SV2B: variants seen among roughly 807,000 people sequenced by gnomAD.
SV2B encodes synaptic vesicle glycoprotein 2B, also known as solute carrier family 22 member B2.
In SV2B, 41 loss-of-function variants were observed where a neutral mutation model predicts 73.9. The ratio of observed to expected loss-of-function variants is 0.56; its 90% CI spans 0.43 to 0.72. The LOEUF (loss-of-function observed/expected upper bound fraction) is 0.72. Among genes scored for constraint, SV2B ranks in the 30% least tolerant of loss-of-function variants. The pLI is 0.00. For synonymous variants in SV2B, 314 were observed against 314.2 expected (o/e 1.00, Z 0.01); for missense variants, 764 against 857.8 (o/e 0.89, Z 1.37).
At chr15:91,286,836 A>G (rs530407939) in intron 11 of SV2B, among the ~76,000 whole-genome samples, 1 of 152,250 alleles carries the variant, frequency 6.6e-6, no homozygotes, top group South Asian at 2.1e-4. Flanking sequence ...TACCAGAGGA[A>G]TAAGAATTAT....
At chr15:91,181,666 C>T (rs181549784) in intron 1 of SV2B, among the ~76,000 whole-genome samples, 2 of 151,930 alleles carry the variant, frequency 1.3e-5, no homozygotes, top group African/African-American at 4.8e-5. Flanking sequence ...TAATGACTCA[C>T]TCAATTAACC....
At chr15:91,156,344 A>G (rs1322021102) in intron 1 of SV2B, among the ~76,000 whole-genome samples, 2 of 152,184 alleles carry the variant, frequency 1.3e-5, no homozygotes, top group African/African-American at 4.8e-5. Flanking sequence ...GTGCAGGGCC[A>G]CTTGATGAAC....
At chr15:91,264,780 AGTGCACCCGGAGGAAGGAT>A (rs1215282075) in intron 6 of SV2B, among the ~76,000 whole-genome samples, 4 of 152,134 alleles carry the variant, frequency 2.6e-5, no homozygotes, top group Non-Finnish European at 5.9e-5. Flanking sequence ...TCGGGGTGGG[AGTGCACCCGGAGGAAGGAT>A]GTGCAGGCAG....
intron 2 of SV2B, among the ~76,000 whole-genome samples, chr15:91,248,232 G>A (rs2078877): frequency 0.2 from 30,318 of 151,930 alleles, 3,136 homozygotes; most frequent in African/African-American, 0.24. Context: ...GAGGCAGGAG[G>A]ATGGCGTGAA....
intron 1 of SV2B, among the ~76,000 whole-genome samples, chr15:91,196,265 G>A (rs192548644): frequency 6.6e-6 from 1 of 152,180 alleles, no homozygotes; most frequent in Admixed American, 6.5e-5. Flanking sequence ...AAACAACAAG[G>A]TTCTCTGTGT....
intron 4 of SV2B, among the ~76,000 whole-genome samples, chr15:91,256,216 C>T (rs531286934): frequency 6.6e-6 from 1 of 152,186 alleles, no homozygotes; most frequent in Non-Finnish European, 1.5e-5. Flanking sequence ...ACAGAACAAT[C>T]CCTTCCTCCA....
In SV2B at chr15:91,302,481, T is replaced by C. The variant is rs2049472112; in HGVS notation, c.*9929T>C. ...GGAAGCATTTCGGTATTTTAACAAGTATGAAAGTAGCTATGTGAATTTGCC... is the reference window on the plus strand; with the variant it reads ...GGAAGCATTTCGGTATTTTAACAAGCATGAAAGTAGCTATGTGAATTTGCC... On this transcript the variant is annotated 3_prime_UTR_variant, in exon 13 of 13. Coordinates refer to ENST00000394232, the MANE Select transcript of SV2B (RefSeq NM_001323032.3). 6.6e-6 allele frequency among the ~76,000 whole-genome samples: 1 copy of C among 152,064 alleles called. No individual in the cohort carries two copies. The highest frequency in any genetic ancestry group is 2.4e-5 in the African/African-American group (1 of 41,410).
chr15:91,295,508 C>A lies in SV2B; in HGVS notation c.*2956C>A, dbSNP rs528477477. 6.6e-6 allele frequency: 1 copy of A among 152,156 alleles called. No homozygotes were observed. The highest frequency in any genetic ancestry group is 2.4e-5 in the African/African-American group (1 of 41,426). 9.4% of individuals were successfully genotyped at this position (152,156 alleles called of 1,614,324 possible). ...ATCAGCTGGGAGAAACATTGAGAATCGCTTCCTTCAACTTTTATTTTGCAA... is the reference window on the plus strand; with the variant it reads ...ATCAGCTGGGAGAAACATTGAGAATAGCTTCCTTCAACTTTTATTTTGCAA... On this transcript the variant is annotated 3_prime_UTR_variant, in exon 13 of 13. Transcript: ENST00000394232.
In SV2B at chr15:91,252,069, C is replaced by T; in HGVS notation, c.632+70C>T. Reference sequence around the variant, plus strand: ...CCCATCCATTCTGGTATTCTAGCTCCAAGAGGTAACTCTAGAAACCCTTGG... The same window carrying T: ...CCCATCCATTCTGGTATTCTAGCTCTAAGAGGTAACTCTAGAAACCCTTGG... On this transcript the variant is annotated intron_variant, in intron 3 of 12. Transcript: ENST00000394232. This position sits in a 1 kb window ranked among gnomAD's most constrained non-coding sequence, Gnocchi z 4.6. The T allele has an allele frequency of 9.6e-6, 15 of 1,556,302 alleles. No homozygotes were observed. The highest frequency in any genetic ancestry group is 9.6e-5 in the African/African-American group (7 of 73,280).
Position 91,266,628 on chromosome 15 carries a change from T to C in SV2B, c.1055T>C (p.Ile352Thr), listed in dbSNP as rs1480753224. The part of the protein sequence containing the change: ...TPKQMDEFIE[I>T]QSSTGTWYQR... The stretch of plus-strand genomic sequence containing the variant: ...AAGCAAATGGATGAATTCATTGAGA[T>C]CCAAAGTTCAACAGGAACCTGGTAC... The change falls in exon 7 of 13, where the codon ATC becomes ACC. Residue 352 changes from isoleucine (I) to threonine (T), a missense_variant. Physicochemically the swap from Ile to Thr is moderately conservative, Grantham distance 89. Transcript: ENST00000394232. 6.2e-7 allele frequency: 1 copy of C among 1,614,168 alleles called. No homozygotes were observed. Among genetic ancestry groups the C allele is most frequent in the Non-Finnish European group, 8.5e-7 (1 of 1,180,024 alleles).
rs1285505701 is a variant in SV2B, at chr15:91,115,720, T to G, written c.-392+15357T>G. On this transcript the variant is annotated intron_variant, in intron 1 of 12. Coordinates refer to ENST00000394232, the MANE Select transcript of SV2B (RefSeq NM_001323032.3). The surrounding 1 kb of genome is among the most constrained non-coding windows in gnomAD (Gnocchi z 4.3). ...GGGGTTTCTAAGGGGTTCACATTTT[T>G]ATAACCATCTCCTTGCTTGCCCTAG... 1.3e-5 allele frequency among the ~76,000 whole-genome samples: 2 copies of G among 152,186 alleles called. No individual in the cohort carries two copies. The highest frequency in any genetic ancestry group is 2.9e-5 in the Non-Finnish European group (2 of 68,040).
In SV2B at chr15:91,223,077, G is replaced by A. The variant is rs1307592227; in HGVS notation, c.-391-2796G>A. Among the ~76,000 whole-genome samples the A allele has an allele frequency of 6.6e-6, 1 of 152,148 alleles. No homozygotes were observed. Among genetic ancestry groups the A allele is most frequent in the Non-Finnish European group, 1.5e-5 (1 of 68,020 alleles). On this transcript the variant is annotated intron_variant, in intron 1 of 12. Transcript: ENST00000394232. The surrounding 1 kb of genome is among the most constrained non-coding windows in gnomAD (Gnocchi z 4.6). ...TCTGTTGCAGGTTGGGAAGCCTTAGGCTTGTAGATGGCATTTGTCTTGGGT... is the reference window on the plus strand; with the variant it reads ...TCTGTTGCAGGTTGGGAAGCCTTAGACTTGTAGATGGCATTTGTCTTGGGT...
intron 1 of SV2B, among the ~76,000 whole-genome samples, chr15:91,211,485 C>T (rs556401361): frequency 1.3e-3 from 203 of 151,670 alleles, no homozygotes; most frequent in African/African-American, 4.6e-3. Flanking sequence ...TCCGCTGCTG[C>T]TGCTGCTGCT....
chr15:91,116,972 T>A (rs927721833), intron 1 of SV2B, among the ~76,000 whole-genome samples: 1 of 152,164 alleles, frequency 6.6e-6, no homozygotes, highest in Admixed American at 6.5e-5. Context: ...CCTGCCCCCA[T>A]GATTCAGTTA....
chr15:91,186,552 G>A (rs16945290), intron 1 of SV2B, among the ~76,000 whole-genome samples: 13,509 of 152,194 alleles, frequency 0.089, 876 homozygotes, highest in African/African-American at 0.18. Context: ...TTATCAACAA[G>A]TTGTAGGGTT....
chr15:91,188,618 A>G, intron 1 of SV2B, among the ~76,000 whole-genome samples: 1 of 151,704 alleles, frequency 6.6e-6, no homozygotes, highest in Non-Finnish European at 1.5e-5. Flanking sequence ...CCCGGCCTGA[A>G]TGTTCCTTAT....
At chr15:91,209,415 C>T (rs1425551789) in intron 1 of SV2B, among the ~76,000 whole-genome samples, 1 of 152,174 alleles carries the variant, frequency 6.6e-6, no homozygotes, top group Admixed American at 6.6e-5. Flanking sequence ...AGCCACTGCG[C>T]CTGGCTGGCA....
At chr15:91,216,767 AT>A (rs111561041) in intron 1 of SV2B, among the ~76,000 whole-genome samples, 258 of 138,084 alleles carry the variant, frequency 1.9e-3, no homozygotes, top group Middle Eastern at 9.0e-3. Context: ...TTTAACTTGT[AT>A]TTTTTTTTTT....
rs762671562 is a variant in SV2B at position 91,214,914 on chromosome 15, A to G, written c.-391-10959A>G. 6.6e-6 allele frequency among the ~76,000 whole-genome samples: 1 copy of G among 152,212 alleles called. No individual in the cohort carries two copies. The highest frequency in any genetic ancestry group is 1.5e-5 in the Non-Finnish European group (1 of 68,034). On this transcript the variant is annotated intron_variant, in intron 1 of 12. Transcript: ENST00000394232. This position sits in a 1 kb window ranked among gnomAD's most constrained non-coding sequence, Gnocchi z 4.7. ...CAGGCAGTTCTGTTTTGGATAAACT[A>G]CAAGAGACGCTGCTCAGTGATTCTT...
Sources: allele counts gnomAD v4.1 joint callset (sites outside exome capture counted in the v4.1 genomes callset), GRCh38; gene constraint gnomAD v4.1.1; non-coding constraint Gnocchi (gnomAD v3.1); transcripts MANE v1.5; gene names NCBI Gene and HGNC (gene_info 2026-07-23, HGNC 2026-07-21).